The following PLOD2 variants were observed in gnomAD, a reference collection of about 807,000 sequenced individuals.
PLOD2 encodes procollagen-lysine,2-oxoglutarate 5-dioxygenase 2, also known as lysine hydroxylase 2.
A neutral mutation model predicts 101.0 loss-of-function variants in PLOD2; 65 were observed. The observed-to-expected ratio is 0.64, with a 90% CI of 0.53 to 0.79. The LOEUF (loss-of-function observed/expected upper bound fraction) is 0.79, where lower values mean the gene tolerates loss of function less well. Ranked by LOEUF, PLOD2 falls within the 30% of genes least tolerant of loss-of-function variation. The probability of loss-of-function intolerance (pLI) is 0.00; values close to 1 mark genes in which losing one functional copy is unlikely to be tolerated. For missense variants in PLOD2, 909 were observed against 914.6 expected (o/e 0.99, Z 0.08); for synonymous variants, 314 against 302.9 (o/e 1.04, Z -0.38).
At chr3:146,087,233 A>G (rs2108021233) in intron 9 of PLOD2, among the ~76,000 whole-genome samples, 1 of 152,066 alleles carries the variant, frequency 6.6e-6, no homozygotes, top group South Asian at 2.1e-4. Context: ...TAGTAATATA[A>G]AATGTTTCCA....
intron 1 of PLOD2, among the ~76,000 whole-genome samples, chr3:146,146,630 G>A (rs972664768): frequency 9.2e-5 from 14 of 152,130 alleles, no homozygotes; most frequent in Non-Finnish European, 1.5e-4. Context: ...ATGGGCATAA[G>A]GAATCAACAG....
At chr3:146,141,418 C>T (rs2031516327) in intron 1 of PLOD2, among the ~76,000 whole-genome samples, 1 of 152,026 alleles carries the variant, frequency 6.6e-6, no homozygotes, top group Non-Finnish European at 1.5e-5. Context: ...TTGGAAATTT[C>T]AGATTGAGAT....
chr3:146,114,245 C>T (rs924830151), intron 3 of PLOD2, among the ~76,000 whole-genome samples: 26 of 38,140 alleles, frequency 6.8e-4, no homozygotes, highest in Non-Finnish European at 1.1e-3. Context: ...ATTTTATTGC[C>T]TCTGTGTGCC....
Position 146,070,485 on chromosome 3 carries a change from T to A in PLOD2, c.*232A>T. On this transcript the variant is annotated 3_prime_UTR_variant, in exon 20 of 20. Coordinates refer to ENST00000282903, the MANE Select transcript of PLOD2 (RefSeq NM_182943.3). Reference sequence around the variant, plus strand: ...GGCAACAAAGCATAGAAATAAATATTTAAGTTTTTTCTTTCTTTTCTTCTT... The same window carrying A: ...GGCAACAAAGCATAGAAATAAATATATAAGTTTTTTCTTTCTTTTCTTCTT... 1 of 322,542 alleles carries A rather than the reference T, an allele frequency of 3.1e-6. No homozygotes were observed. Among genetic ancestry groups the A allele is most frequent in the East Asian group, 5.2e-5 (1 of 19,334 alleles). 20.0% of individuals were successfully genotyped at this position (322,542 alleles called of 1,614,324 possible).
chr3:146,117,324 A>C (rs552258802), intron 3 of PLOD2, among the ~76,000 whole-genome samples: 1 of 152,282 alleles, frequency 6.6e-6, no homozygotes, highest in South Asian at 2.1e-4. Context: ...CCTTTACCAG[A>C]GCTAACCTTA....
intron 1 of PLOD2, among the ~76,000 whole-genome samples, chr3:146,127,443 G>C (rs190020076): frequency 6.6e-6 from 1 of 152,140 alleles, no homozygotes; most frequent in East Asian, 1.9e-4. Flanking sequence ...GGTTTTCCAA[G>C]TTAGCTCACA....
Position 146,071,161 on chromosome 3 carries a change from C to CA in PLOD2, c.2001dup (p.Ala668CysfsTer12), listed in dbSNP as rs766609733. On this transcript the variant is annotated frameshift_variant, in exon 19 of 20. Transcript: ENST00000282903. LOFTEE classifies it high-confidence loss of function. ...TATTTTACTACAAAATTCAGTAGTGCAAATCCCTGAAAAAGCAAAGTAAGC... is the reference window on the plus strand; with the variant it reads ...TATTTTACTACAAAATTCAGTAGTGCAAAATCCCTGAAAAAGCAAAGTAAGC... 1.2e-6 allele frequency: 2 copies of CA among 1,611,068 alleles called. No individual in the cohort carries two copies. The highest frequency in any genetic ancestry group is 2.2e-5 in the South Asian group (2 of 90,958).
intron 7 of PLOD2, among the ~76,000 whole-genome samples, chr3:146,102,467 C>A (rs1937416932): frequency 6.6e-6 from 1 of 152,068 alleles, no homozygotes; most frequent in Non-Finnish European, 1.5e-5. Context: ...AAAGGATACC[C>A]AGTATGAGAG....
intron 11 of PLOD2, among the ~76,000 whole-genome samples, chr3:146,084,258 C>A (rs896845541): frequency 1.3e-5 from 2 of 151,964 alleles, no homozygotes; most frequent in African/African-American, 4.8e-5. Flanking sequence ...AACTTAGATA[C>A]TGAGTATCTA....
At chr3:146,083,825 C>T (rs1936662034) in intron 11 of PLOD2, among the ~76,000 whole-genome samples, 1 of 151,978 alleles carries the variant, frequency 6.6e-6, no homozygotes, top group South Asian at 2.1e-4. Context: ...TCGTGATCCA[C>T]CCACCTTGGC....
At chr3:146,076,989 CTTTATA>C in intron 14 of PLOD2, 94 bp from the exon 15 acceptor site, 1 of 1,270,272 alleles carries the variant, frequency 7.9e-7, no homozygotes, top group Non-Finnish European at 1.1e-6. Context: ...TAATTTCTAT[CTTTATA>C]TTTCATTTAT....
chr3:146,128,528 A>G (rs2030717303), intron 1 of PLOD2, among the ~76,000 whole-genome samples: 1 of 152,182 alleles, frequency 6.6e-6, no homozygotes, highest in African/African-American at 2.4e-5. Flanking sequence ...TAATCCTCCA[A>G]AATGCCTATC....
chr3:146,135,558 T>C (rs1673730647), intron 1 of PLOD2, among the ~76,000 whole-genome samples: 1 of 152,170 alleles, frequency 6.6e-6, no homozygotes, highest in Admixed American at 6.5e-5. Flanking sequence ...TTTATATATG[T>C]GACTGATCTT....
At chr3:146,123,991 A>G in intron 2 of PLOD2, 147 bp downstream of exon 2, 1 of 623,810 alleles carries the variant, frequency 1.6e-6, no homozygotes, top group Non-Finnish European at 2.9e-6. Context: ...AGGAAATATT[A>G]ATAAAGCCAA....
At chr3:146,131,876 A>G (rs2108110376) in intron 1 of PLOD2, among the ~76,000 whole-genome samples, 1 of 152,308 alleles carries the variant, frequency 6.6e-6, no homozygotes, top group East Asian at 1.9e-4. Flanking sequence ...AGAACTGTTG[A>G]AAAAAATTCA....
At position 146,070,488 on chromosome 3, in the gene PLOD2, AG is replaced by A; in HGVS notation, c.*228del. The A allele has an allele frequency of 3.0e-6, 1 of 329,780 alleles. No homozygotes were observed. The highest frequency in any genetic ancestry group is 5.5e-6 in the Non-Finnish European group (1 of 180,972). 20.4% of individuals were successfully genotyped at this position (329,780 alleles called of 1,614,324 possible). On this transcript the variant is annotated 3_prime_UTR_variant, in exon 20 of 20. Coordinates refer to ENST00000282903, the MANE Select transcript of PLOD2 (RefSeq NM_182943.3). ...AACAAAGCATAGAAATAAATATTTA[AG>A]TTTTTTCTTTCTTTTCTTCTTCAAT...
At chr3:146,139,964 T>C (rs1367677721) in intron 1 of PLOD2, among the ~76,000 whole-genome samples, 1 of 152,080 alleles carries the variant, frequency 6.6e-6, no homozygotes, top group Non-Finnish European at 1.5e-5. Context: ...AAATGAATGG[T>C]TCGCCACCTG....
At chr3:146,116,275 GCACA>G (rs1576606834) in intron 3 of PLOD2, among the ~76,000 whole-genome samples, 1 of 151,042 alleles carries the variant, frequency 6.6e-6, no homozygotes, top group East Asian at 1.9e-4. Context: ...ACACACACAC[GCACA>G]CACACAGTTA....
At chr3:146,131,299 A>G (rs2030892756) in intron 1 of PLOD2, among the ~76,000 whole-genome samples, 1 of 152,194 alleles carries the variant, frequency 6.6e-6, no homozygotes, top group Non-Finnish European at 1.5e-5. Flanking sequence ...TAAGTCATAG[A>G]CATGAGTACA....
Sources: gnomAD v4.1 joint callset for allele counts (sites outside exome capture counted in the v4.1 genomes callset) on GRCh38, gnomAD v4.1.1 for gene constraint, MANE v1.5 for transcripts, NCBI Gene and HGNC (gene_info 2026-07-23, HGNC 2026-07-21) for gene names.